Variants in UBE3B observed in about 807,000 individuals in gnomAD.
The protein encoded by UBE3B is ubiquitin-protein ligase E3B.
A neutral mutation model predicts 132.3 loss-of-function variants in UBE3B; 80 were observed. The ratio of observed to expected loss-of-function variants is 0.60; its 90% CI spans 0.50 to 0.73. The LOEUF (loss-of-function observed/expected upper bound fraction) is 0.73. UBE3B is among the 30% of genes least tolerant of loss of function. The pLI is 0.00. For missense variants in UBE3B, 1,196 were observed against 1,362.5 expected (o/e 0.88, Z 1.92); for synonymous variants, 487 against 520.4 (o/e 0.94, Z 0.87).
chr12:109,478,630 A>T (rs1874761860), intron 1 of UBE3B, among the ~76,000 whole-genome samples: 1 of 152,102 alleles, frequency 6.6e-6, no homozygotes, highest in East Asian at 1.9e-4. Context: ...AAAATACAAA[A>T]ATTAGCCGGG....
intron 26 of UBE3B, among the ~76,000 whole-genome samples, chr12:109,531,230 C>T (rs1438966749): frequency 1.3e-5 from 2 of 152,098 alleles, no homozygotes; most frequent in East Asian, 1.9e-4. Flanking sequence ...AAGTGGCTGA[C>T]GTTAACTGGT....
chr12:109,504,970 T>C (rs935715050), intron 14 of UBE3B, among the ~76,000 whole-genome samples: 10 of 147,238 alleles, frequency 6.8e-5, no homozygotes, highest in African/African-American at 2.7e-4. Flanking sequence ...CATGCCCGGC[T>C]AATTTTTTTT....
chr12:109,530,183 CCTT>C, intron 25 of UBE3B, 111 bp downstream of exon 25: 2 of 1,249,474 alleles, frequency 1.6e-6, no homozygotes, highest in Non-Finnish European at 1.1e-6. Context: ...CTCCAGATCT[CCTT>C]CTCCTCCCTG....
rs201336062 is a variant in UBE3B at position 109,486,580 on chromosome 12, C to CAAAAAAAAAAA, written c.447+18_447+28dup. The CAAAAAAAAAAA allele has an allele frequency of 2.1e-4, 120 of 562,712 alleles. No individual in the cohort carries two copies. Among genetic ancestry groups the CAAAAAAAAAAA allele is most frequent in the East Asian group, 1.1e-3 (24 of 20,874 alleles). The allele number at this position is 562,712 out of a possible 1,614,324, so 34.9% of individuals were successfully genotyped here. On this transcript the variant is annotated splice_donor_region_variant and intron_variant, in intron 6 of 27. Transcript: ENST00000342494. Reference sequence around the variant, plus strand: ...GATTTTCTCAAGCAGCTCAAGGTAACAAAAAAAAAAAAAAAAAAAAAAAGC... The same window carrying CAAAAAAAAAAA: ...GATTTTCTCAAGCAGCTCAAGGTAACAAAAAAAAAAAAAAAAAAAAAAAAAAAAAAAAAAGC...
intron 4 of UBE3B, among the ~76,000 whole-genome samples, chr12:109,484,965 C>T (rs1214460930): frequency 6.6e-6 from 1 of 151,594 alleles, no homozygotes. Context: ...CCTTATTGCC[C>T]AGGCTTGTCT....
chr12:109,545,133 C>T, the UBE3B span, among the ~76,000 whole-genome samples: 2 of 152,252 alleles, frequency 1.3e-5, no homozygotes, highest in Non-Finnish European at 2.9e-5. Context: ...GGGCTAGTCC[C>T]ACTGACTCTC....
intron 14 of UBE3B, among the ~76,000 whole-genome samples, chr12:109,506,442 A>G (rs1652012924): frequency 6.6e-6 from 1 of 152,158 alleles, no homozygotes; most frequent in Non-Finnish European, 1.5e-5. Flanking sequence ...TCTGCCTCCC[A>G]GGTTCAAGCG....
chr12:109,533,042 G>A (rs1474490938), intron 26 of UBE3B, among the ~76,000 whole-genome samples: 6 of 152,272 alleles, frequency 3.9e-5, no homozygotes, highest in Non-Finnish European at 5.9e-5. Flanking sequence ...ACCAGCCTCC[G>A]CCTCGCCCTC....
chr12:109,483,499 C>A, intron 2 of UBE3B, 32 bp from the exon 3 acceptor site: 2 of 1,519,046 alleles, frequency 1.3e-6, no homozygotes, highest in East Asian at 4.6e-5. Context: ...ACACAACAAT[C>A]TACAACACCC....
downstream of UBE3B, among the ~76,000 whole-genome samples, chr12:109,537,243 G>A (rs544806082): frequency 1.3e-4 from 20 of 152,294 alleles, no homozygotes; most frequent in African/African-American, 4.3e-4. Context: ...TGTGCCAGGC[G>A]TTGTTCCCTT....
At chr12:109,499,522 A>AAATTTTTT in intron 11 of UBE3B, 111 bp from the exon 12 acceptor site, 1 of 1,141,256 alleles carries the variant, frequency 8.8e-7, no homozygotes, top group Non-Finnish European at 1.2e-6. Context: ...TTATGTGGAA[A>AAATTTTTT]TTTCTTGCTG....
At chr12:109,480,900 A>G (rs1438697950) in intron 1 of UBE3B, among the ~76,000 whole-genome samples, 1 of 152,200 alleles carries the variant, frequency 6.6e-6, no homozygotes, top group Non-Finnish European at 1.5e-5. Flanking sequence ...GTGTGTGTGT[A>G]CATTTTTCTT....
intron 24 of UBE3B, among the ~76,000 whole-genome samples, chr12:109,528,878 G>T (rs1360483591): frequency 3.3e-5 from 5 of 151,632 alleles, no homozygotes; most frequent in Non-Finnish European, 5.9e-5. Context: ...AAAAGAAAAG[G>T]CCAGGCGTGG....
At chr12:109,484,941 G>C (rs1244142107) in intron 4 of UBE3B, among the ~76,000 whole-genome samples, 1 of 151,494 alleles carries the variant, frequency 6.6e-6, no homozygotes, top group Non-Finnish European at 1.5e-5. Context: ...ATTTTTTGTA[G>C]AGATAGGGTT....
At chr12:109,509,322 G>C (rs1290800439) in intron 15 of UBE3B, 1 of 232,032 alleles carries the variant, frequency 4.3e-6, no homozygotes, top group African/African-American at 2.3e-5. Flanking sequence ...TGTTACATAG[G>C]TATACATGTG....
chr12:109,508,127 C>T (rs577398805), intron 15 of UBE3B, among the ~76,000 whole-genome samples: 72 of 152,312 alleles, frequency 4.7e-4, no homozygotes, highest in South Asian at 2.1e-4. Flanking sequence ...CAAGGGATCA[C>T]GGATTCAACC....
At chr12:109,538,255 TC>T (rs1458600030), downstream of UBE3B, among the ~76,000 whole-genome samples, 1 of 152,198 alleles carries the variant, frequency 6.6e-6, no homozygotes, top group African/African-American at 2.4e-5. The surrounding 1 kb of genome is among the most constrained non-coding windows in gnomAD (Gnocchi z 4.1). Flanking sequence ...AGCTGGGTTC[TC>T]GCCAAGCTTG....
chr12:109,491,692 T>G (rs1174438311), intron 9 of UBE3B: 1 of 152,364 alleles, frequency 6.6e-6, no homozygotes, highest in Non-Finnish European at 1.5e-5. Flanking sequence ...AGAACATGTT[T>G]AAACTGTCAA....
intron 10 of UBE3B, 134 bp from the exon 11 acceptor site, chr12:109,498,099 G>A (rs1220698971): frequency 2.1e-6 from 3 of 1,411,224 alleles, no homozygotes; most frequent in Non-Finnish European, 2.9e-6. Context: ...GTGGGTTCTT[G>A]TCTGTCCATT....
Sources: gnomAD v4.1 joint callset for allele counts (sites outside exome capture counted in the v4.1 genomes callset) on GRCh38, gnomAD v4.1.1 for gene constraint, Gnocchi (gnomAD v3.1) non-coding constraint, MANE v1.5 for transcripts, NCBI Gene and HGNC (gene_info 2026-07-23, HGNC 2026-07-21) for gene names.